The following JAK1 variants were observed in gnomAD, a reference collection of about 807,000 sequenced individuals.
The protein encoded by JAK1 is Janus kinase 1.
In JAK1, 16 loss-of-function variants were observed where a neutral mutation model predicts 136.6. The observed-to-expected ratio is 0.12, with a 90% CI of 0.08 to 0.18. The LOEUF (loss-of-function observed/expected upper bound fraction) is 0.18. Ranked by LOEUF, JAK1 falls within the 10% of genes least tolerant of loss-of-function variation. JAK1 has a pLI of 1.00. For missense variants in JAK1, 859 were observed against 1,450.1 expected (o/e 0.59, Z 6.62); for synonymous variants, 492 against 519.5 (o/e 0.95, Z 0.72).
chr1:64,873,713 A>G (rs1390745189), intron 4 of JAK1, among the ~76,000 whole-genome samples, 190 bp from the exon 5 acceptor site: 1 of 152,116 alleles, frequency 6.6e-6, no homozygotes, highest in Non-Finnish European at 1.5e-5. Context: ...GTGTCCCATC[A>G]GCACCTCCTC....
rs74943326 is a variant in JAK1 at position 65,035,937 on chromosome 1, G to A, written c.-78+8543C>T. Among the ~76,000 whole-genome samples, 793 of 151,994 alleles carry A rather than the reference G, an allele frequency of 5.2e-3. 6 individuals carry two copies. The highest frequency in any genetic ancestry group is 0.017 in the African/African-American group (688 of 41,446). ...CAAAAAATTATCCGGGTGTGGTAGC[G>A]CACGCCTGTAGTCCCAGCTACTCAG... On this transcript the variant is annotated intron_variant, in intron 2 of 25. Coordinates refer to the JAK1 transcript ENST00000671954.
At chr1:65,047,525 T>C (rs931198872) in intron 1 of JAK1, among the ~76,000 whole-genome samples, 3 of 152,164 alleles carry the variant, frequency 2.0e-5, no homozygotes, top group African/African-American at 4.8e-5. Flanking sequence ...GAGACCATCC[T>C]GGCTAACACG....
intron 14 of JAK1, among the ~76,000 whole-genome samples, chr1:64,845,908 A>C (rs146099409): frequency 1.1e-4 from 17 of 152,328 alleles, no homozygotes; most frequent in African/African-American, 3.6e-4. Flanking sequence ...AAATGTCACA[A>C]GGCCTGGAAA....
At chr1:65,050,440 G>C (rs1017320227) in intron 1 of JAK1, among the ~76,000 whole-genome samples, 7 of 152,178 alleles carry the variant, frequency 4.6e-5, no homozygotes, top group African/African-American at 4.8e-5. Context: ...AATGGTAAGG[G>C]TGTCCCAGGC....
chr1:64,863,394 C>A (rs190127656), intron 8 of JAK1, among the ~76,000 whole-genome samples: 18 of 152,226 alleles, frequency 1.2e-4, no homozygotes, highest in African/African-American at 3.9e-4. Context: ...GCCTGATATC[C>A]AGGATGTGCT....
At chr1:64,975,562 G>C (rs555301928) in intron 2 of JAK1, among the ~76,000 whole-genome samples, 1 of 152,284 alleles carries the variant, frequency 6.6e-6, no homozygotes, top group South Asian at 2.1e-4. Flanking sequence ...CCAGTTCTCA[G>C]GCCCAACCTG....
intron 1 of JAK1, chr1:65,058,521 C>A: frequency 1.9e-6 from 1 of 532,486 alleles, no homozygotes; most frequent in Non-Finnish European, 3.8e-6. Flanking sequence ...CTGTCAGTCA[C>A]TGTGTCGGTC....
Position 64,834,560 on chromosome 1 carries a change from T to C in JAK1, c.*2A>G. On this transcript the variant is annotated 3_prime_UTR_variant, in exon 25 of 25. Coordinates refer to ENST00000342505, the MANE Select transcript of JAK1 (RefSeq NM_002227.4). Reference sequence around the variant, plus strand: ...GTGGAATTTAAATGTTATTCATGCTTCTTATTTTAAAAGTGCTTCAAATCC... The same window carrying C: ...GTGGAATTTAAATGTTATTCATGCTCCTTATTTTAAAAGTGCTTCAAATCC... 1 of 1,578,206 alleles carries C rather than the reference T, an allele frequency of 6.3e-7. No homozygotes were observed. The highest frequency in any genetic ancestry group is 1.1e-5 in the South Asian group (1 of 89,782).
At chr1:64,985,423 T>A in intron 2 of JAK1, 1 of 1,609,230 alleles carries the variant, frequency 6.2e-7, no homozygotes, top group South Asian at 1.1e-5. Context: ...CACTGGAGGA[T>A]CTCCTTAGCA....
chr1:64,950,522 G>A (rs532335907), intron 1 of JAK1, among the ~76,000 whole-genome samples: 1 of 151,948 alleles, frequency 6.6e-6, no homozygotes, highest in Non-Finnish European at 1.5e-5. Context: ...CAAACCAATC[G>A]TAGGCTGATT....
At position 64,838,547 on chromosome 1, in the gene JAK1, C is replaced by G; in HGVS notation, c.2885G>C (p.Gly962Ala). Residue 962 changes from glycine to alanine, a missense_variant, in exon 21 of 25, where the codon GGA (glycine) becomes GCA (alanine). Coordinates refer to ENST00000342505, the MANE Select transcript of JAK1 (RefSeq NM_002227.4). ...CTTTGGAAGATATTCCTTAAGGCTT[C>G]CCGAAGGCAGAAATTCCATGATGAG... ...IKLIMEFLPS[G>A]SLKEYLPKNK... The G allele has an allele frequency of 6.2e-7, 1 of 1,613,990 alleles. No individual in the cohort carries two copies. The highest frequency in any genetic ancestry group is 8.5e-7 in the Non-Finnish European group (1 of 1,179,922).
chr1:64,887,716 A>C (rs1644872652), intron 1 of JAK1, among the ~76,000 whole-genome samples: 1 of 152,214 alleles, frequency 6.6e-6, no homozygotes, highest in African/African-American at 2.4e-5. Context: ...TCAGGAGGGA[A>C]GGGACATTGA....
intron 1 of JAK1, among the ~76,000 whole-genome samples, chr1:64,913,752 T>C (rs1461163328): frequency 3.5e-5 from 5 of 142,444 alleles, no homozygotes; most frequent in African/African-American, 1.3e-4. Context: ...AAAGGAAGTG[T>C]GTGGGAGCAA....
At chr1:64,916,796 C>T (rs1373300692) in intron 1 of JAK1, among the ~76,000 whole-genome samples, 1 of 151,060 alleles carries the variant, frequency 6.6e-6, no homozygotes, top group Non-Finnish European at 1.5e-5. Context: ...GAGATTCTGC[C>T]GCTGAACTCC....
At chr1:64,971,470 T>C (rs1265789498), upstream of JAK1, among the ~76,000 whole-genome samples, 5 of 152,100 alleles carry the variant, frequency 3.3e-5, no homozygotes, top group Non-Finnish European at 5.9e-5. Flanking sequence ...CTCAGCCTCC[T>C]GAGTAGCAGG....
At chr1:64,929,430 C>G (rs1230307119) in intron 1 of JAK1, among the ~76,000 whole-genome samples, 1 of 152,164 alleles carries the variant, frequency 6.6e-6, no homozygotes, top group Non-Finnish European at 1.5e-5. Context: ...AATTACTTAT[C>G]CATGCAAATC....
intron 1 of JAK1, among the ~76,000 whole-genome samples, chr1:64,925,322 C>A (rs182274310): frequency 1.3e-5 from 2 of 151,954 alleles, no homozygotes; most frequent in East Asian, 1.9e-4. Context: ...GCAGAGGAAT[C>A]GCTTGAACCC....
At chr1:64,868,827 C>T (rs528674088) in intron 6 of JAK1, among the ~76,000 whole-genome samples, 2 of 152,256 alleles carry the variant, frequency 1.3e-5, no homozygotes, top group East Asian at 1.9e-4. Flanking sequence ...TAAGTAAATG[C>T]AATTTTCTTG....
At chr1:64,937,214 G>A (rs1337552297) in intron 1 of JAK1, among the ~76,000 whole-genome samples, 2 of 152,040 alleles carry the variant, frequency 1.3e-5, no homozygotes, top group African/African-American at 4.8e-5. Flanking sequence ...GGGCTACCAG[G>A]ACCATTTGCA....
Sources: gnomAD v4.1 joint callset for allele counts (sites outside exome capture counted in the v4.1 genomes callset) on GRCh38, gnomAD v4.1.1 for gene constraint, MANE v1.5 for transcripts, NCBI Gene and HGNC (gene_info 2026-07-23, HGNC 2026-07-21) for gene names.